FER: variants seen among roughly 807,000 people sequenced by gnomAD.
FER encodes tyrosine-protein kinase Fer.
A neutral mutation model predicts 111.0 loss-of-function variants in FER; 63 were observed. The observed-to-expected ratio is 0.57, with a 90% CI of 0.46 to 0.70. The LOEUF (loss-of-function observed/expected upper bound fraction) is 0.70. Among genes scored for constraint, FER ranks in the 30% least tolerant of loss-of-function variants. FER has a pLI of 0.00. For synonymous variants in FER, 327 were observed against 313.9 expected, an observed-to-expected ratio of 1.04 and a Z score of -0.44; for missense variants, 914 against 954.0, an observed-to-expected ratio of 0.96 and a Z score of 0.55.
At chr5:108,754,495 A>G (rs972902060) in intron 1 of FER, among the ~76,000 whole-genome samples, 1 of 151,814 alleles carries the variant, frequency 6.6e-6, no homozygotes, top group African/African-American at 2.4e-5. Flanking sequence ...AAGGGACCCA[A>G]GTTATTTCCA....
chr5:109,084,923 C>T (rs1007645771), intron 16 of FER, among the ~76,000 whole-genome samples: 5 of 151,826 alleles, frequency 3.3e-5, no homozygotes, highest in African/African-American at 1.2e-4. Flanking sequence ...TGGACTTTGT[C>T]TGTTCCATTG....
chr5:108,983,223 T>G (rs1762197070), intron 13 of FER, among the ~76,000 whole-genome samples: 1 of 152,102 alleles, frequency 6.6e-6, no homozygotes, highest in Admixed American at 6.6e-5. Flanking sequence ...TTCTGTTCAA[T>G]GTGACTTCTG....
At chr5:109,178,526 G>A (rs558853085) in intron 17 of FER, among the ~76,000 whole-genome samples, 1 of 152,154 alleles carries the variant, frequency 6.6e-6, no homozygotes, top group Non-Finnish European at 1.5e-5. Context: ...AACTCATTCC[G>A]ACCAAGGATG....
intron 11 of FER, among the ~76,000 whole-genome samples, chr5:108,948,266 A>G (rs1757263399): frequency 6.6e-6 from 1 of 152,116 alleles, no homozygotes; most frequent in South Asian, 2.1e-4. Flanking sequence ...GAACGCTTAG[A>G]TCAACAGTCT....
intron 10 of FER, among the ~76,000 whole-genome samples, chr5:108,927,529 G>A (rs1267782407): frequency 6.6e-6 from 1 of 152,054 alleles, no homozygotes; most frequent in Non-Finnish European, 1.5e-5. Flanking sequence ...AAAGTGCTGG[G>A]ATTACAGGCG....
intron 10 of FER, among the ~76,000 whole-genome samples, chr5:108,898,912 A>G (rs1749590349): frequency 6.6e-6 from 1 of 151,962 alleles, no homozygotes; most frequent in Admixed American, 6.6e-5. Flanking sequence ...AAAATTATCC[A>G]GGCTAAAATG....
chr5:109,040,844 G>C (rs900483569), intron 14 of FER, among the ~76,000 whole-genome samples: 4 of 152,104 alleles, frequency 2.6e-5, no homozygotes, highest in African/African-American at 9.7e-5. Context: ...GCAGGTAAGA[G>C]GGGATGCAAT....
At chr5:108,979,421 G>A (rs1761769022) in intron 13 of FER, among the ~76,000 whole-genome samples, 2 of 152,072 alleles carry the variant, frequency 1.3e-5, no homozygotes, top group Non-Finnish European at 2.9e-5. Flanking sequence ...CCAAAATAAA[G>A]AAATTAAGAA....
chr5:108,794,076 A>T (rs534348566), intron 2 of FER, among the ~76,000 whole-genome samples: 159 of 152,256 alleles, frequency 1.0e-3, no homozygotes, highest in African/African-American at 3.8e-3. Flanking sequence ...ATTACACATT[A>T]TTATTATAAT....
At chr5:109,108,164 C>G (rs1232452258) in intron 17 of FER, among the ~76,000 whole-genome samples, 2 of 152,036 alleles carry the variant, frequency 1.3e-5, no homozygotes, top group Non-Finnish European at 2.9e-5. Flanking sequence ...GCTCATTTAA[C>G]CTTATATTTC....
intron 13 of FER, among the ~76,000 whole-genome samples, chr5:109,027,271 A>G (rs946617678): frequency 6.6e-6 from 1 of 152,098 alleles, no homozygotes. Flanking sequence ...TTGCTGAGGA[A>G]TAGATTGTAT....
chr5:109,138,222 C>T (rs1293692987), intron 17 of FER, among the ~76,000 whole-genome samples: 1 of 152,100 alleles, frequency 6.6e-6, no homozygotes, highest in Non-Finnish European at 1.5e-5. Context: ...GGGATACTTG[C>T]CAGTGTTCAG....
intron 5 of FER, among the ~76,000 whole-genome samples, chr5:108,865,676 A>C (rs1763972080): frequency 6.6e-6 from 1 of 152,208 alleles, no homozygotes; most frequent in Admixed American, 6.5e-5. Context: ...AAATTTTTGC[A>C]ATCTACTCAT....
At chr5:108,881,681 A>G (rs1273638067) in intron 8 of FER, among the ~76,000 whole-genome samples, 3 of 152,148 alleles carry the variant, frequency 2.0e-5, no homozygotes, top group African/African-American at 7.2e-5. Flanking sequence ...CCTGACTTGT[A>G]GATAGGTAAT....
At chr5:108,821,703 A>C (rs1275227804) in intron 3 of FER, among the ~76,000 whole-genome samples, 2 of 151,446 alleles carry the variant, frequency 1.3e-5, no homozygotes, top group African/African-American at 4.8e-5. Context: ...TTTGTTATTA[A>C]ATTCTATAAT....
At chr5:108,864,657 C>G (rs1417476557) in intron 5 of FER, among the ~76,000 whole-genome samples, 1 of 152,122 alleles carries the variant, frequency 6.6e-6, no homozygotes, top group Non-Finnish European at 1.5e-5. Context: ...TGTCAAAGAT[C>G]AGATGGTTGT....
chr5:108,832,131 A>G (rs1306721323), intron 3 of FER, among the ~76,000 whole-genome samples: 1 of 152,206 alleles, frequency 6.6e-6, no homozygotes, highest in Non-Finnish European at 1.5e-5. Context: ...TGGAAGAACT[A>G]TTGAGATGTA....
rs564301524 is a variant in FER, at chr5:109,064,426, A to G, written c.1924+17228A>G. 6.7e-4 allele frequency among the ~76,000 whole-genome samples: 102 copies of G among 152,332 alleles called. 1 individual carries two copies. Among genetic ancestry groups the G allele is most frequent in the African/African-American group, 2.3e-3 (95 of 41,576 alleles). ...AGAAGAATATAAGAAATAAAAATAT[A>G]ACTATTTCAGTTAATAGGATCACTC... On this transcript the variant is annotated intron_variant, in intron 16 of 19. Coordinates refer to ENST00000281092, the MANE Select transcript of FER (RefSeq NM_005246.4).
chr5:108,804,020 G>A (rs1235315642), intron 3 of FER, among the ~76,000 whole-genome samples: 1 of 152,134 alleles, frequency 6.6e-6, no homozygotes, highest in Non-Finnish European at 1.5e-5. Flanking sequence ...GCAGTGTCTT[G>A]TAGTGCTTCT....
Sources: gnomAD v4.1 joint callset for allele counts (sites outside exome capture counted in the v4.1 genomes callset) on GRCh38, gnomAD v4.1.1 for gene constraint, MANE v1.5 for transcripts, NCBI Gene and HGNC (gene_info 2026-07-23, HGNC 2026-07-21) for gene names.